The following MSS51 variants were observed in gnomAD, a reference collection of about 807,000 sequenced individuals.
MSS51 encodes putative protein MSS51 homolog, mitochondrial.
Under a neutral mutation model 40.2 loss-of-function variants are expected in MSS51, and 32 were observed. The ratio of observed to expected loss-of-function variants is 0.80; its 90% CI spans 0.60 to 1.07. The LOEUF is 1.07. MSS51 is among the 50% of genes least tolerant of loss of function. The probability of loss-of-function intolerance (pLI) is 0.00; values close to 1 mark genes in which losing one functional copy is unlikely to be tolerated. For synonymous variants in MSS51, 178 were observed against 214.2 expected (o/e 0.83, Z 1.48); for missense variants, 518 against 568.9 (o/e 0.91, Z 0.91).
At position 73,428,192 on chromosome 10, in the gene MSS51, C is replaced by CA; in HGVS notation, c.92dup (p.Pro32AlafsTer10). ...GGCCAGGTTTTGAGGGGGTCAGAGG[C>CA]ACAGGGGTCACAATTGTGGTTGGGG... On this transcript the variant is annotated frameshift_variant, in exon 2 of 7. Coordinates refer to ENST00000299432, the MANE Select transcript of MSS51 (RefSeq NM_001024593.2). LOFTEE classifies it high-confidence loss of function. 6.2e-7 allele frequency: 1 copy of CA among 1,614,096 alleles called. No individual in the cohort carries two copies. Among genetic ancestry groups the CA allele is most frequent in the Non-Finnish European group, 8.5e-7 (1 of 1,180,012 alleles).
At chr10:73,431,864 CAA>C (rs796324460) in intron 1 of MSS51, among the ~76,000 whole-genome samples, 23 of 152,136 alleles carry the variant, frequency 1.5e-4, no homozygotes, top group African/African-American at 5.3e-4. Context: ...GTCCTTTTAC[CAA>C]AAGAGTAAAT....
In MSS51 at chr10:73,424,475, AAG is replaced by A. The variant is rs1455647449; in HGVS notation, c.*76_*77del. ...GAGGTTTAGAATATAATGTTTTTCAAAGTTTGCAAGAACCTGGCATTAGCAGG... is the reference window on the plus strand; with the variant it reads ...GAGGTTTAGAATATAATGTTTTTCAATTTGCAAGAACCTGGCATTAGCAGG... On this transcript the variant is annotated 3_prime_UTR_variant, in exon 7 of 7. Coordinates refer to ENST00000299432, the MANE Select transcript of MSS51 (RefSeq NM_001024593.2). The A allele has an allele frequency of 1.1e-5, 13 of 1,130,568 alleles. No individual in the cohort carries two copies. The highest frequency in any genetic ancestry group is 1.8e-5 in the Admixed American group (1 of 56,278). 70.0% of individuals were successfully genotyped at this position (1,130,568 alleles called of 1,614,324 possible).
chr10:73,424,485 G>T lies in MSS51; in HGVS notation c.*68C>A. 8.1e-7 allele frequency: 1 copy of T among 1,229,980 alleles called. No individual in the cohort carries two copies. Among genetic ancestry groups the T allele is most frequent in the Non-Finnish European group, 1.2e-6 (1 of 837,366 alleles). The allele number at this position is 1,229,980 out of a possible 1,614,324, so 76.2% of individuals were successfully genotyped here. A position where few individuals can be genotyped will look rare whatever the true frequency, so the allele number is the denominator to read the frequency against. On this transcript the variant is annotated 3_prime_UTR_variant, in exon 7 of 7. Coordinates refer to ENST00000299432, the MANE Select transcript of MSS51 (RefSeq NM_001024593.2). ...ATATAATGTTTTTCAAAGTTTGCAAGAACCTGGCATTAGCAGGGTAATTTC... is the reference window on the plus strand; with the variant it reads ...ATATAATGTTTTTCAAAGTTTGCAATAACCTGGCATTAGCAGGGTAATTTC...
At chr10:73,426,761 T>C (rs1017246477) in intron 3 of MSS51, 30 bp from the exon 4 acceptor site, 1 of 1,610,520 alleles carries the variant, frequency 6.2e-7, no homozygotes, top group South Asian at 1.1e-5. Context: ...ATAGTTCTTA[T>C]ACTATAAATA....
At chr10:73,430,329 C>A (rs1308212884) in intron 1 of MSS51, among the ~76,000 whole-genome samples, 2 of 151,928 alleles carry the variant, frequency 1.3e-5, no homozygotes, top group Non-Finnish European at 2.9e-5. Flanking sequence ...AATGACACCC[C>A]AAGAATGGAA....
intron 1 of MSS51, among the ~76,000 whole-genome samples, chr10:73,432,896 G>A (rs1000924322): frequency 6.6e-6 from 1 of 152,238 alleles, no homozygotes; most frequent in African/African-American, 2.4e-5. Flanking sequence ...TAAACTGAGA[G>A]AAACAAAGGA....
rs2056000858 is a variant in MSS51, at chr10:73,427,829, A to T, written c.222-61T>A. On this transcript the variant is annotated intron_variant, in intron 2 of 6. Coordinates refer to ENST00000299432, the MANE Select transcript of MSS51 (RefSeq NM_001024593.2). ...GAAAGGAATATCTCCAAAATCTCTCATGCCCCCCATCTTGTCTCCTACACA... is the reference window on the plus strand; with the variant it reads ...GAAAGGAATATCTCCAAAATCTCTCTTGCCCCCCATCTTGTCTCCTACACA... 3.2e-6 allele frequency: 5 copies of T among 1,569,886 alleles called. No individual in the cohort carries two copies. In the East Asian group the frequency reaches 1.1e-4, roughly 35 times the overall value.
rs1564541685 is a variant in MSS51 at position 73,427,664 on chromosome 10, CT to C, written c.325del (p.Arg109GlufsTer85). The C allele has an allele frequency of 6.2e-7, 1 of 1,614,186 alleles. No homozygotes were observed. On this transcript the variant is annotated frameshift_variant, in exon 3 of 7. Coordinates refer to ENST00000299432, the MANE Select transcript of MSS51 (RefSeq NM_001024593.2). LOFTEE classifies it high-confidence loss of function. ...EDTFRFCAHC[R>X]ALPSGLSDSK... Reference sequence around the variant, plus strand: ...GTCTGAAAGCCCACTAGGGAGTGCTCTACAGTGAGCACAGAATCGAAATGTG... The same window carrying C: ...GTCTGAAAGCCCACTAGGGAGTGCTCACAGTGAGCACAGAATCGAAATGTG...
chr10:73,424,519 C>A lies in MSS51; in HGVS notation c.*34G>T, dbSNP rs754127668. On this transcript the variant is annotated 3_prime_UTR_variant, in exon 7 of 7. Coordinates refer to ENST00000299432, the MANE Select transcript of MSS51 (RefSeq NM_001024593.2). ...ATTAGCAGGGTAATTTCATCACAAA[C>A]TCCCCGTTTTCCAGATGTCCAGTTA... 2.6e-5 allele frequency: 39 copies of A among 1,523,104 alleles called. No homozygotes were observed. In the South Asian group the frequency reaches 3.7e-4, roughly 14 times the overall value. The allele number at this position is 1,523,104 out of a possible 1,614,324, so 94.3% of individuals were successfully genotyped here.
rs930298280 is a variant in MSS51, at chr10:73,426,017, T to A, written c.863A>T (p.Tyr288Phe). The change falls in exon 5 of 7, where the codon TAC becomes TTC. Residue 288 changes from tyrosine to phenylalanine, a missense_variant. Coordinates refer to ENST00000299432, the MANE Select transcript of MSS51 (RefSeq NM_001024593.2). ...TRPGDYDELGYMFPGHLGLRV... is the reference protein window; with the variant it reads ...TRPGDYDELGFMFPGHLGLRV... Reference sequence around the variant, plus strand: ...GAGTCCAAGGTGCCCAGGAAACATGTAACCAAGCTCATCATAGTCCCCTGG... The same window carrying A: ...GAGTCCAAGGTGCCCAGGAAACATGAAACCAAGCTCATCATAGTCCCCTGG... 6.2e-7 allele frequency: 1 copy of A among 1,614,198 alleles called. No individual in the cohort carries two copies. Among genetic ancestry groups the A allele is most frequent in the Non-Finnish European group, 8.5e-7 (1 of 1,180,038 alleles).
chr10:73,426,196 C>A lies in MSS51; in HGVS notation c.684G>T (p.Leu228=). 6.2e-7 allele frequency: 1 copy of A among 1,614,206 alleles called. No homozygotes were observed. The highest frequency in any genetic ancestry group is 1.1e-5 in the South Asian group (1 of 91,092). The change falls in exon 5 of 7, where the codon CTG becomes CTT. Residue 228 remains leucine (L), a synonymous_variant. Coordinates refer to ENST00000299432, the MANE Select transcript of MSS51 (RefSeq NM_001024593.2). ...VGRPRPDPDV[L]QGSLKRLLTD... is the part of the protein sequence containing the mutation. ...TCAGCAGCCGCTTCAAAGATCCCTG[C>A]AGGACATCCGGGTCTGGCCTTGGCC... is the stretch of plus-strand genomic sequence containing the variant.
Position 73,428,190 on chromosome 10 carries a change from G to A in MSS51, c.95C>T (p.Pro32Leu), listed in dbSNP as rs1394614290. The part of the protein sequence containing the change: ...MAPTTIVTPV[P>L]LTPSKPGPSI... ...AGGGCCAGGTTTTGAGGGGGTCAGA[G>A]GCACAGGGGTCACAATTGTGGTTGG... Residue 32 changes from proline to leucine, a missense_variant, in exon 2 of 7, where the codon CCT becomes CTT. Transcript: ENST00000299432. 1.2e-6 allele frequency: 2 copies of A among 1,614,140 alleles called. No individual in the cohort carries two copies. Among genetic ancestry groups the A allele is most frequent in the Non-Finnish European group, 1.7e-6 (2 of 1,180,036 alleles).
At position 73,424,397 on chromosome 10, in the gene MSS51, T is replaced by C. The variant is rs2055964926; in HGVS notation, c.*156A>G. ...ATCTCAAAAAAAGAAAGAAACCAGTTATGTTATACAGAAACTCTCATTCAG... is the reference window on the plus strand; with the variant it reads ...ATCTCAAAAAAAGAAAGAAACCAGTCATGTTATACAGAAACTCTCATTCAG... On this transcript the variant is annotated 3_prime_UTR_variant, in exon 7 of 7. Transcript: ENST00000299432. 3.1e-6 allele frequency: 2 copies of C among 636,940 alleles called. No individual in the cohort carries two copies. Among genetic ancestry groups the C allele is most frequent in the Admixed American group, 5.6e-5 (2 of 35,900 alleles). The allele number at this position is 636,940 out of a possible 1,614,324, so 39.5% of individuals were successfully genotyped here. A position where few individuals can be genotyped will look rare whatever the true frequency, so the allele number is the denominator to read the frequency against.
chr10:73,428,989 G>A (rs949741874), intron 1 of MSS51, among the ~76,000 whole-genome samples: 20 of 151,324 alleles, frequency 1.3e-4, no homozygotes, highest in African/African-American at 4.6e-4. Flanking sequence ...CGGATCACCT[G>A]AGGTCAGGAG....
rs2055973989 is a variant in MSS51, at chr10:73,425,265, G to C, written c.1070-74C>G. On this transcript the variant is annotated intron_variant, in intron 5 of 6. Transcript: ENST00000299432. The stretch of plus-strand genomic sequence containing the variant: ...CTAAGAGCAAGATATTTCTTTGACT[G>C]TGAGCACCCCACCCCTCACCTTGCT... 7.8e-6 allele frequency: 7 copies of C among 900,692 alleles called. No homozygotes were observed. In the East Asian group the frequency reaches 1.7e-4, roughly 22 times the overall value. 55.8% of individuals were successfully genotyped at this position (900,692 alleles called of 1,614,324 possible). A position where few individuals can be genotyped will look rare whatever the true frequency, so the allele number is the denominator to read the frequency against.
At position 73,424,481 on chromosome 10, in the gene MSS51, G is replaced by T; in HGVS notation, c.*72C>A. 8.4e-7 allele frequency: 1 copy of T among 1,186,104 alleles called. No homozygotes were observed. The highest frequency in any genetic ancestry group is 1.3e-6 in the Non-Finnish European group (1 of 798,880). The allele number at this position is 1,186,104 out of a possible 1,614,324, so 73.5% of individuals were successfully genotyped here. On this transcript the variant is annotated 3_prime_UTR_variant, in exon 7 of 7. Transcript: ENST00000299432. ...TAGAATATAATGTTTTTCAAAGTTT[G>T]CAAGAACCTGGCATTAGCAGGGTAA...
intron 1 of MSS51, among the ~76,000 whole-genome samples, chr10:73,432,730 AAAAG>A (rs1249647214): frequency 6.6e-6 from 1 of 152,166 alleles, no homozygotes; most frequent in Non-Finnish European, 1.5e-5. Context: ...TTTCTGGCAG[AAAAG>A]AAAGAAGGTG....
intron 4 of MSS51, 113 bp downstream of exon 4, chr10:73,426,494 C>T: frequency 6.3e-7 from 1 of 1,586,292 alleles, no homozygotes; most frequent in East Asian, 2.2e-5. Context: ...GCAGGCGTGC[C>T]CCATCCTTTG....
At chr10:73,429,776 C>T (rs1312842219) in intron 1 of MSS51, 8 of 440,004 alleles carry the variant, frequency 1.8e-5, no homozygotes, top group South Asian at 3.2e-5. Flanking sequence ...AAATCATTTG[C>T]GAAACACTAT....
Sources: allele counts gnomAD v4.1 joint callset (sites outside exome capture counted in the v4.1 genomes callset), GRCh38; gene constraint gnomAD v4.1.1; transcripts MANE v1.5; gene names NCBI Gene and HGNC (gene_info 2026-07-23, HGNC 2026-07-21).